AMOTL2: variants seen among roughly 807,000 people sequenced by gnomAD.
AMOTL2 encodes angiomotin like 2.
AMOTL2 carries 33 observed loss-of-function variants against 78.4 expected under a neutral mutation model. The ratio of observed to expected loss-of-function variants is 0.42; its 90% CI spans 0.32 to 0.56. The LOEUF (loss-of-function observed/expected upper bound fraction) is 0.56, where lower values mean the gene tolerates loss of function less well. Ranked by LOEUF, AMOTL2 falls within the 20% of genes least tolerant of loss-of-function variation. The probability of loss-of-function intolerance (pLI) is 0.12; values close to 1 mark genes in which losing one functional copy is unlikely to be tolerated. For missense variants in AMOTL2, 983 were observed against 1,030.1 expected (o/e 0.95, Z 0.63); for synonymous variants, 422 against 428.8 (o/e 0.98, Z 0.20).
rs113706392 is a variant in AMOTL2, at chr3:134,355,490, C to G, written c.*2215G>C. ...TGTCCTCTGCATGGTGCCTGGCCTT[C>G]TGGATGGTTTCGGACAAAACTTTAT... is the stretch of plus-strand genomic sequence containing the variant. On this transcript the variant is annotated 3_prime_UTR_variant, in exon 10 of 10. Transcript: ENST00000249883. 7.5e-3 allele frequency among the ~76,000 whole-genome samples: 1,141 copies of G among 152,286 alleles called. 14 individuals carry two copies. Among genetic ancestry groups the G allele is most frequent in the African/African-American group, 0.025 (1,046 of 41,550 alleles).
chr3:134,359,381 G>A lies in AMOTL2; in HGVS notation c.2006C>T (p.Pro669Leu), dbSNP rs903909177. Reference protein sequence around the residue: ...QGSLRPAKSVPSVFAAAAAGT... With the variant: ...QGSLRPAKSVLSVFAAAAAGT... ...TGCTGCCGCAGCCGCGAAAACAGAT[G>A]GCACCGACTTGGCAGGCCGCAGGGA... Residue 669 changes from proline (P) to leucine (L), a missense_variant, in exon 8 of 10, where the codon CCA becomes CTA. Physicochemically the swap from Pro to Leu is moderately conservative, Grantham distance 98. Transcript: ENST00000249883. 6.2e-7 allele frequency: 1 copy of A among 1,614,226 alleles called. No homozygotes were observed. Among genetic ancestry groups the A allele is most frequent in the Non-Finnish European group, 8.5e-7 (1 of 1,180,040 alleles).
At chr3:134,373,456 T>G (rs2017956692) in intron 1 of AMOTL2, 1 of 985,212 alleles carries the variant, frequency 1.0e-6, no homozygotes, top group Non-Finnish European at 1.2e-6. Context: ...TTCACGTCCT[T>G]TCAGACATCA....
At chr3:134,373,376 G>T in intron 1 of AMOTL2, 1 of 774,034 alleles carries the variant, frequency 1.3e-6, no homozygotes, top group Non-Finnish European at 1.6e-6. Flanking sequence ...TCCATAGTGT[G>T]CCCGGACTGG....
rs1052753982 is a variant in AMOTL2, at chr3:134,357,768, A to G, written c.2285-5T>C. On this transcript the variant is annotated splice_polypyrimidine_tract_variant and splice_region_variant and intron_variant, in intron 9 of 9. Coordinates refer to ENST00000249883, the MANE Select transcript of AMOTL2 (RefSeq NM_016201.4). ...CTCTGGATGTAGCTACAGAGTCTGGAGACAGACAAGAACACAGGCACATGC... is the reference window on the plus strand; with the variant it reads ...CTCTGGATGTAGCTACAGAGTCTGGGGACAGACAAGAACACAGGCACATGC... The G allele has an allele frequency of 1.7e-5, 27 of 1,613,994 alleles. No homozygotes were observed. The highest frequency in any genetic ancestry group is 2.2e-5 in the Non-Finnish European group (26 of 1,179,838).
rs760098933 is a variant in AMOTL2, at chr3:134,370,683, A to G, written c.734+17T>C. On this transcript the variant is annotated intron_variant, in intron 2 of 9. Transcript: ENST00000249883. ...AAGAAAGCCAGGAGTTGGAAAGCCC[A>G]AGGTGGGGAGAGTTACCTGACTTCA... is the stretch of plus-strand genomic sequence containing the variant. The G allele has an allele frequency of 2.0e-6, 3 of 1,506,514 alleles. No homozygotes were observed. The highest frequency in any genetic ancestry group is 2.7e-6 in the Non-Finnish European group (3 of 1,128,108). 93.3% of individuals were successfully genotyped at this position (1,506,514 alleles called of 1,614,324 possible). A position where few individuals can be genotyped will look rare whatever the true frequency, so the allele number is the denominator to read the frequency against.
intron 5 of AMOTL2, among the ~76,000 whole-genome samples, chr3:134,363,383 T>A (rs1019742279): frequency 2.0e-5 from 3 of 152,164 alleles, no homozygotes; most frequent in African/African-American, 7.2e-5. Context: ...GGTGTTAACA[T>A]CCATTGAGGA....
Position 134,357,658 on chromosome 3 carries a change from GCAGAGGAGGGGAGAGAATGGCT to G in AMOTL2, c.*25_*46del, listed in dbSNP as rs760230621. ...CTGAAATGGCTGAGAGTGGCACAGG[GCAGAGGAGGGGAGAGAATGGCT>G]CAGAGTCCTGAAGCACCACCTCCTT... On this transcript the variant is annotated 3_prime_UTR_variant, in exon 10 of 10. Coordinates refer to ENST00000249883, the MANE Select transcript of AMOTL2 (RefSeq NM_016201.4). 12 of 1,590,042 alleles carry G rather than the reference GCAGAGGAGGGGAGAGAATGGCT, an allele frequency of 7.5e-6. No homozygotes were observed. The highest frequency in any genetic ancestry group is 3.3e-4 in the Middle Eastern group (2 of 6,018).
Position 134,360,314 on chromosome 3 carries a change from T to A in AMOTL2, c.1675A>T (p.Ile559Phe). Reference sequence around the variant, plus strand: ...GTCATGTCGGCCTCCAGCGCCAGGATCTGCTCCTCCTTCTCTCGCAGTTGT... The same window carrying A: ...GTCATGTCGGCCTCCAGCGCCAGGAACTGCTCCTCCTTCTCTCGCAGTTGT... ...SEQLREKEEQILALEADMTKW... is the reference protein window; with the variant it reads ...SEQLREKEEQFLALEADMTKW... The change falls in exon 7 of 10, where the codon ATC becomes TTC. Residue 559 changes from isoleucine (I) to phenylalanine (F), a missense_variant. By Grantham distance (21) the Ile-to-Phe change is conservative. Coordinates refer to ENST00000249883, the MANE Select transcript of AMOTL2 (RefSeq NM_016201.4). 1.2e-6 allele frequency: 2 copies of A among 1,614,222 alleles called. No homozygotes were observed. The highest frequency in any genetic ancestry group is 1.7e-6 in the Non-Finnish European group (2 of 1,180,038).
In AMOTL2 at chr3:134,361,624, C is replaced by T. The variant is rs538657184; in HGVS notation, c.1463G>A (p.Arg488Gln). ...KKQAYVEKVE[R>Q]LQQALGQLQA... ...CAGCTGCCCGAGCGCCTGCTGCAGCCGCTCCACTTTCTCCACATAGGCCTG... is the reference window on the plus strand; with the variant it reads ...CAGCTGCCCGAGCGCCTGCTGCAGCTGCTCCACTTTCTCCACATAGGCCTG... The change falls in exon 6 of 10, where the codon CGG (arginine) becomes CAG (glutamine). Residue 488 changes from arginine (R) to glutamine (Q), a missense_variant. By Grantham distance (43) the Arg-to-Gln change is conservative (BLOSUM62 1). Transcript: ENST00000249883. The T allele has an allele frequency of 9.3e-6, 15 of 1,613,148 alleles. No individual in the cohort carries two copies. The East Asian group carries it at 1.8e-4, about 19-fold the overall frequency.
In AMOTL2 at chr3:134,357,276, T is replaced by C; in HGVS notation, c.*429A>G. 5.0e-6 allele frequency: 1 copy of C among 198,994 alleles called. No individual in the cohort carries two copies. The highest frequency in any genetic ancestry group is 1.0e-5 in the Non-Finnish European group (1 of 95,354). The allele number at this position is 198,994 out of a possible 1,614,324, so 12.3% of individuals were successfully genotyped here. ...AGAACAATATGGCTGACTTGATTAG[T>C]GAACCAGTCCACCTGGTGTCCACGG... On this transcript the variant is annotated 3_prime_UTR_variant, in exon 10 of 10. Coordinates refer to ENST00000249883, the MANE Select transcript of AMOTL2 (RefSeq NM_016201.4).
At chr3:134,374,230 C>T in intron 1 of AMOTL2, 112 bp downstream of exon 1, 1 of 985,444 alleles carries the variant, frequency 1.0e-6, no homozygotes, top group Non-Finnish European at 1.2e-6. Context: ...ACGCTCGATC[C>T]TCGAGGCTCC....
chr3:134,371,027 G>T lies in AMOTL2; in HGVS notation c.407C>A (p.Ala136Asp), dbSNP rs1344500788. The T allele has an allele frequency of 1.9e-6, 3 of 1,605,264 alleles. No homozygotes were observed. In the African/African-American group the frequency reaches 4.0e-5, roughly 21 times the overall value. ...GTCCTGCCTCCGACTGCCTCCCGGG[G>T]CCCCACGGGGATCTCGGTCCCCCGC... The part of the protein sequence containing the change: ...PHAGDRDPRG[A>D]PGGSRRQDEA... Residue 136 changes from alanine (A) to aspartate (D), a missense_variant, in exon 2 of 10, where the codon GCC (alanine) becomes GAC (aspartate). Coordinates refer to ENST00000249883, the MANE Select transcript of AMOTL2 (RefSeq NM_016201.4).
chr3:134,374,973 A>G (rs2018036361), upstream of AMOTL2: 2 of 1,396,022 alleles, frequency 1.4e-6, no homozygotes, highest in Admixed American at 3.0e-5. Flanking sequence ...AGGGACTGCA[A>G]AGACATCCAT....
At chr3:134,369,908 A>G (rs1265732709) in intron 2 of AMOTL2, among the ~76,000 whole-genome samples, 1 of 152,172 alleles carries the variant, frequency 6.6e-6, no homozygotes, top group African/African-American at 2.4e-5. Context: ...CAAACTCTCT[A>G]GACTTCTTGC....
upstream of AMOTL2, chr3:134,374,564 C>T (rs2018017063): frequency 4.5e-5 from 44 of 985,584 alleles, no homozygotes; most frequent in Non-Finnish European, 5.2e-5. Context: ...CACAAATAAC[C>T]TCTCAGCGCA....
intron 5 of AMOTL2, among the ~76,000 whole-genome samples, chr3:134,365,105 T>G (rs1219452145): frequency 1.3e-5 from 2 of 152,138 alleles, no homozygotes; most frequent in Non-Finnish European, 2.9e-5. Flanking sequence ...GTTGTTCTTT[T>G]GCATCTGTGG....
rs1271805949 is a variant in AMOTL2 at position 134,374,374 on chromosome 3, A to G, written c.-94T>C. The G allele has an allele frequency of 1.8e-6, 1 of 553,336 alleles. No homozygotes were observed. The highest frequency in any genetic ancestry group is 2.1e-6 in the Non-Finnish European group (1 of 479,496). 34.3% of individuals were successfully genotyped at this position (553,336 alleles called of 1,614,324 possible). Reference sequence around the variant, plus strand: ...GCCCGAGGGTGCCCAGCGCAGTCAGACACCACAACCTCCGGCTCGGCCCAG... The same window carrying G: ...GCCCGAGGGTGCCCAGCGCAGTCAGGCACCACAACCTCCGGCTCGGCCCAG... On this transcript the variant is annotated 5_prime_UTR_variant, in exon 1 of 10. Coordinates refer to ENST00000249883, the MANE Select transcript of AMOTL2 (RefSeq NM_016201.4).
At position 134,357,643 on chromosome 3, in the gene AMOTL2, TGA is replaced by T; in HGVS notation, c.*60_*61del. The T allele has an allele frequency of 1.3e-6, 2 of 1,547,234 alleles. No homozygotes were observed. Among genetic ancestry groups the T allele is most frequent in the Non-Finnish European group, 1.8e-6 (2 of 1,119,490 alleles). On this transcript the variant is annotated 3_prime_UTR_variant, in exon 10 of 10. Transcript: ENST00000249883. ...CGGTTGACGGGGCTGCTGAAATGGC[TGA>T]GAGTGGCACAGGGCAGAGGAGGGGA... is the stretch of plus-strand genomic sequence containing the variant.
chr3:134,362,087 C>T (rs956612833), intron 5 of AMOTL2, among the ~76,000 whole-genome samples: 2 of 152,240 alleles, frequency 1.3e-5, no homozygotes, highest in Admixed American at 1.3e-4. Context: ...CAGCCCCAAA[C>T]ACCATCCACT....
Sources: gnomAD v4.1 joint callset for allele counts (sites outside exome capture counted in the v4.1 genomes callset) on GRCh38, gnomAD v4.1.1 for gene constraint, MANE v1.5 for transcripts, NCBI Gene and HGNC (gene_info 2026-07-23, HGNC 2026-07-21) for gene names.